NOVA1: variants seen among roughly 807,000 people sequenced by gnomAD.
The protein encoded by NOVA1 is NOVA alternative splicing regulator 1.
In NOVA1, 7 loss-of-function variants were observed where a neutral mutation model predicts 38.0. The ratio of observed to expected loss-of-function variants is 0.18; its 90% CI spans 0.10 to 0.35. NOVA1 has a LOEUF of 0.35. Ranked by LOEUF, NOVA1 falls within the 10% of genes least tolerant of loss-of-function variation. The pLI is 1.00. For synonymous variants in NOVA1, 270 were observed against 232.5 expected (o/e 1.16, Z -1.47); for missense variants, 460 against 616.0 (o/e 0.75, Z 2.68).
chr14:26,569,981 T>A (rs999359210), intron 2 of NOVA1, among the ~76,000 whole-genome samples: 3 of 152,196 alleles, frequency 2.0e-5, no homozygotes, highest in Non-Finnish European at 4.4e-5. Flanking sequence ...TCTGGCTCTT[T>A]GCCTTAAAGG....
intron 2 of NOVA1, among the ~76,000 whole-genome samples, chr14:26,506,070 C>T (rs1427131958): frequency 6.6e-6 from 1 of 152,084 alleles, no homozygotes; most frequent in Non-Finnish European, 1.5e-5. Flanking sequence ...CCAAATATTA[C>T]AACCAAATAG....
At position 26,447,919 on chromosome 14, in the gene NOVA1, A is replaced by G. The variant is rs1882213132; in HGVS notation, c.*40T>C. The G allele has an allele frequency of 6.5e-7, 1 of 1,529,680 alleles. No homozygotes were observed. The highest frequency in any genetic ancestry group is 1.7e-5 in the Admixed American group (1 of 59,416). The allele number at this position is 1,529,680 out of a possible 1,614,324, so 94.8% of individuals were successfully genotyped here. A position where few individuals can be genotyped will look rare whatever the true frequency, so the allele number is the denominator to read the frequency against. Reference sequence around the variant, plus strand: ...AGTACATCCTTCTTGAAAATGGGGTAAAGGAGGGGTTAAAACAATCTGATG... The same window carrying G: ...AGTACATCCTTCTTGAAAATGGGGTGAAGGAGGGGTTAAAACAATCTGATG... On this transcript the variant is annotated 3_prime_UTR_variant, in exon 5 of 5. Transcript: ENST00000539517.
chr14:26,521,482 G>C (rs34794459), intron 2 of NOVA1, among the ~76,000 whole-genome samples: 1 of 151,998 alleles, frequency 6.6e-6, no homozygotes, highest in African/African-American at 2.4e-5. Context: ...CTGAGCATTA[G>C]GTTTTGTTTG....
At chr14:26,470,709 G>A (rs1330055699) in intron 4 of NOVA1, among the ~76,000 whole-genome samples, 1 of 151,952 alleles carries the variant, frequency 6.6e-6, no homozygotes, top group African/African-American at 2.4e-5. Context: ...AGATTCACAA[G>A]TTCATATAAG....
intron 4 of NOVA1, among the ~76,000 whole-genome samples, chr14:26,468,038 T>C (rs990025062): frequency 6.6e-6 from 1 of 152,102 alleles, no homozygotes; most frequent in Non-Finnish European, 1.5e-5. Flanking sequence ...ATGGCAAAAG[T>C]GATGCAATGT....
chr14:26,479,680 A>G, intron 3 of NOVA1: 1 of 369,542 alleles, frequency 2.7e-6, no homozygotes, highest in African/African-American at 2.1e-5. Context: ...AATTTTAAAC[A>G]GATTCAATTC....
chr14:26,583,385 C>T (rs1407533594), intron 2 of NOVA1, among the ~76,000 whole-genome samples: 3 of 151,472 alleles, frequency 2.0e-5, no homozygotes, highest in Non-Finnish European at 4.4e-5. Flanking sequence ...GGAAATGGGA[C>T]TTTTCTTATG....
intron 2 of NOVA1, among the ~76,000 whole-genome samples, chr14:26,524,266 G>A (rs1889137470): frequency 6.6e-6 from 1 of 152,096 alleles, no homozygotes; most frequent in Non-Finnish European, 1.5e-5. Context: ...TGGATCTGGT[G>A]CCTGCGGGAT....
At chr14:26,506,568 G>A (rs557428176) in intron 2 of NOVA1, among the ~76,000 whole-genome samples, 1 of 152,240 alleles carries the variant, frequency 6.6e-6, no homozygotes, top group African/African-American at 2.4e-5. Flanking sequence ...TCTGCAGATA[G>A]AAAGACCAAC....
intron 2 of NOVA1, among the ~76,000 whole-genome samples, chr14:26,485,298 T>A (rs1235889603): frequency 6.6e-6 from 1 of 152,114 alleles, no homozygotes; most frequent in Non-Finnish European, 1.5e-5. Flanking sequence ...ATCTACAAAA[T>A]ATCTATAAAG....
At chr14:26,597,205 G>A in intron 1 of NOVA1, 96 bp downstream of exon 1, 1 of 1,129,462 alleles carries the variant, frequency 8.9e-7, no homozygotes. Flanking sequence ...GGCCGCGGGA[G>A]GGAGGGAGGG....
chr14:26,514,676 C>G (rs1458997779), intron 2 of NOVA1, among the ~76,000 whole-genome samples: 7 of 151,794 alleles, frequency 4.6e-5, no homozygotes, highest in Non-Finnish European at 1.0e-4. Context: ...AATATATAAA[C>G]TGGTATTATA....
At chr14:26,490,405 T>C (rs920962483) in intron 2 of NOVA1, among the ~76,000 whole-genome samples, 6 of 152,258 alleles carry the variant, frequency 3.9e-5, no homozygotes, top group African/African-American at 1.4e-4. Flanking sequence ...AATTCTAGCC[T>C]TTTGAGGAAC....
chr14:26,474,795 T>C (rs1160273709), intron 3 of NOVA1, among the ~76,000 whole-genome samples: 2 of 152,012 alleles, frequency 1.3e-5, no homozygotes, highest in Non-Finnish European at 2.9e-5. Flanking sequence ...AAGTTGTCTC[T>C]ATATTTTCTT....
At position 26,445,253 on chromosome 14, in the gene NOVA1, G is replaced by A. The variant is rs1881983934; in HGVS notation, c.*2706C>T. On this transcript the variant is annotated 3_prime_UTR_variant, in exon 5 of 5. Coordinates refer to ENST00000539517, the MANE Select transcript of NOVA1 (RefSeq NM_002515.3). ...CATTGTTACATGCCTACCTGTGGCAGTTTGAAGCCATACTAATTTTCTTGC... is the reference window on the plus strand; with the variant it reads ...CATTGTTACATGCCTACCTGTGGCAATTTGAAGCCATACTAATTTTCTTGC... 2.6e-5 allele frequency: 4 copies of A among 152,144 alleles called. No homozygotes were observed. Among genetic ancestry groups the A allele is most frequent in the African/African-American group, 9.7e-5 (4 of 41,442 alleles). 9.4% of individuals were successfully genotyped at this position (152,144 alleles called of 1,614,324 possible).
In NOVA1 at chr14:26,449,951, T is replaced by C. The variant is rs540551457; in HGVS notation, c.520-988A>G. On this transcript the variant is annotated intron_variant, in intron 4 of 4. Transcript: ENST00000539517. ...TATTATAAGAAATATCAAATCAATA[T>C]GACATTTTCTATCATCCCTAAAATT... Among the ~76,000 whole-genome samples, 66 of 152,264 alleles carry C rather than the reference T, an allele frequency of 4.3e-4. 2 individuals are homozygous for C. In the South Asian group the frequency reaches 0.013, roughly 31 times the overall value.
intron 4 of NOVA1, among the ~76,000 whole-genome samples, chr14:26,467,356 A>C (rs1328591397): frequency 6.6e-6 from 1 of 152,226 alleles, no homozygotes; most frequent in African/African-American, 2.4e-5. Flanking sequence ...CAAAGTGCTC[A>C]TCATTGATGT....
intron 2 of NOVA1, among the ~76,000 whole-genome samples, chr14:26,556,107 AC>A (rs1158735160): frequency 6.6e-6 from 1 of 152,122 alleles, no homozygotes; most frequent in Non-Finnish European, 1.5e-5. Flanking sequence ...GCAATGCAAT[AC>A]CCATCAAAAG....
chr14:26,541,253 G>T (rs1360193552), intron 2 of NOVA1, among the ~76,000 whole-genome samples: 2 of 151,918 alleles, frequency 1.3e-5, no homozygotes, highest in African/African-American at 4.8e-5. Context: ...TCAATTGATG[G>T]CTGTTTTCTT....
Sources: gnomAD v4.1 joint callset for allele counts (sites outside exome capture counted in the v4.1 genomes callset) on GRCh38, gnomAD v4.1.1 for gene constraint, MANE v1.5 for transcripts, NCBI Gene and HGNC (gene_info 2026-07-23, HGNC 2026-07-21) for gene names.